The following SLC13A3 variants were observed in gnomAD, a reference collection of about 807,000 sequenced individuals.
The protein encoded by SLC13A3 is solute carrier family 13 member 3, also known as Na(+)/dicarboxylate cotransporter 3.
In SLC13A3, 40 loss-of-function variants were observed where a neutral mutation model predicts 59.0. The ratio of observed to expected loss-of-function variants is 0.68; its 90% CI spans 0.53 to 0.88. The LOEUF (loss-of-function observed/expected upper bound fraction) is 0.88, where lower values mean the gene tolerates loss of function less well. Ranked by LOEUF, SLC13A3 falls within the 40% of genes least tolerant of loss-of-function variation. SLC13A3 has a pLI of 0.00. For missense variants in SLC13A3, 699 were observed against 783.2 expected (o/e 0.89, Z 1.28); for synonymous variants, 317 against 330.3 (o/e 0.96, Z 0.44).
At chr20:46,613,321 A>AAATAAATG in intron 2 of SLC13A3, 139 bp downstream of exon 2, 1 of 502,166 alleles carries the variant, frequency 2.0e-6, no homozygotes. Context: ...ATAAATAAAT[A>AAATAAATG]AATAAATAAA....
At chr20:46,564,070 T>C (rs1346350868) in intron 11 of SLC13A3, among the ~76,000 whole-genome samples, 2 of 152,210 alleles carry the variant, frequency 1.3e-5, no homozygotes, top group Non-Finnish European at 2.9e-5. Context: ...GTGCTGCTGG[T>C]CTAAGGACTG....
At chr20:46,583,793 GCTGGGCCA>G in intron 8 of SLC13A3, 124 bp from the exon 9 acceptor site, 1 of 1,491,568 alleles carries the variant, frequency 6.7e-7, no homozygotes, top group Admixed American at 2.2e-5. Flanking sequence ...ATTGTTGGAG[GCTGGGCCA>G]CTGGATTCTG....
At chr20:46,637,184 C>T (rs1333595710) in intron 1 of SLC13A3, among the ~76,000 whole-genome samples, 3 of 152,108 alleles carry the variant, frequency 2.0e-5, no homozygotes, top group South Asian at 2.1e-4. Context: ...TGGGAGGGGG[C>T]GCAGTTGGGA....
At position 46,559,344 on chromosome 20, in the gene SLC13A3, G is replaced by A. The variant is rs1451216912; in HGVS notation, c.*678C>T. The A allele has an allele frequency of 6.6e-6, 1 of 152,282 alleles. No individual in the cohort carries two copies. The highest frequency in any genetic ancestry group is 2.4e-5 in the African/African-American group (1 of 41,456). 9.4% of individuals were successfully genotyped at this position (152,282 alleles called of 1,614,324 possible). A position where few individuals can be genotyped will look rare whatever the true frequency, so the allele number is the denominator to read the frequency against. ...AATCTCTTGGGTCGAGATGTCAGCTGCGGTTTCTAGAACTTCCCCTGGTAT... is the reference window on the plus strand; with the variant it reads ...AATCTCTTGGGTCGAGATGTCAGCTACGGTTTCTAGAACTTCCCCTGGTAT... On this transcript the variant is annotated 3_prime_UTR_variant, in exon 13 of 13. Transcript: ENST00000279027.
intron 1 of SLC13A3, among the ~76,000 whole-genome samples, chr20:46,629,732 T>C (rs1390991223): frequency 3.9e-5 from 6 of 152,208 alleles, no homozygotes; most frequent in Non-Finnish European, 7.3e-5. Flanking sequence ...AGTGCTGTTT[T>C]TTCACCCCCT....
At chr20:46,651,495 G>C (rs1011151305), upstream of SLC13A3, 1 of 1,351,488 alleles carries the variant, frequency 7.4e-7, no homozygotes, top group South Asian at 1.8e-5. Flanking sequence ...TAAAGCCTGG[G>C]GGAGGGTCGG....
intron 1 of SLC13A3, among the ~76,000 whole-genome samples, chr20:46,624,486 G>T (rs117488174): frequency 6.6e-6 from 1 of 152,328 alleles, no homozygotes; most frequent in Non-Finnish European, 1.5e-5. Flanking sequence ...AGAGATGAAA[G>T]TAGTGGACAG....
chr20:46,571,699 T>C (rs920643385), intron 10 of SLC13A3, among the ~76,000 whole-genome samples: 1 of 151,782 alleles, frequency 6.6e-6, no homozygotes, highest in Non-Finnish European at 1.5e-5. Context: ...ACAGGATCAT[T>C]TGGGGGGTAG....
chr20:46,585,885 G>A (rs1006862260), intron 8 of SLC13A3: 76 of 1,046,584 alleles, frequency 7.3e-5, no homozygotes, highest in Non-Finnish European at 9.3e-5. Context: ...CATTTTACCA[G>A]GGAAGAGGTT....
At position 46,596,342 on chromosome 20, in the gene SLC13A3, G is replaced by C. The variant is rs1311093995; in HGVS notation, c.609C>G (p.Ala203=). Residue 203 remains alanine (A), a splice_region_variant and synonymous_variant, in exon 5 of 13, where the codon GCC becomes GCG. Coordinates refer to ENST00000279027, the MANE Select transcript of SLC13A3 (RefSeq NM_022829.6). ...TEMQFLASTE[A]KDHPGETEVP... ...CCTCTGTCTCCCCAGGGTGGTCTTTGCTTTAAACAAATCCAAAGAGAAGCC... is the reference window on the plus strand; with the variant it reads ...CCTCTGTCTCCCCAGGGTGGTCTTTCCTTTAAACAAATCCAAAGAGAAGCC... 6.2e-7 allele frequency: 1 copy of C among 1,613,512 alleles called. No homozygotes were observed. The highest frequency in any genetic ancestry group is 8.5e-7 in the Non-Finnish European group (1 of 1,179,722).
chr20:46,608,789 G>A, intron 3 of SLC13A3: 3 of 1,378,848 alleles, frequency 2.2e-6, no homozygotes, highest in Admixed American at 2.8e-5. Flanking sequence ...TGGTTTCATG[G>A]ATAATGCTTG....
At chr20:46,656,899 G>A (rs2062997971) in intron 1 of SLC13A3, among the ~76,000 whole-genome samples, 1 of 151,852 alleles carries the variant, frequency 6.6e-6, no homozygotes, top group Admixed American at 6.6e-5. Context: ...ATTTGCTGTT[G>A]AACCCATCCG....
At chr20:46,611,813 A>G (rs1326055053) in intron 2 of SLC13A3, among the ~76,000 whole-genome samples, 1 of 152,144 alleles carries the variant, frequency 6.6e-6, no homozygotes, top group Admixed American at 6.5e-5. Context: ...GCAAATCTGA[A>G]GGAAATGAGA....
intron 9 of SLC13A3, among the ~76,000 whole-genome samples, chr20:46,577,900 C>T (rs1162406493): frequency 2.6e-5 from 4 of 152,222 alleles, no homozygotes; most frequent in South Asian, 2.1e-4. Flanking sequence ...GCACTTCCCT[C>T]GGAGACTTAC....
chr20:46,609,265 G>C (rs2062467706), intron 3 of SLC13A3, among the ~76,000 whole-genome samples: 1 of 152,198 alleles, frequency 6.6e-6, no homozygotes, highest in African/African-American at 2.4e-5. Flanking sequence ...TTGTGCCTCT[G>C]AATTGATCCT....
intron 2 of SLC13A3, among the ~76,000 whole-genome samples, 165 bp downstream of exon 2, chr20:46,613,295 G>GTTGA (rs1555879746): frequency 2.6e-5 from 1 of 39,084 alleles, no homozygotes; most frequent in South Asian, 9.2e-4. Context: ...TTGCTAAATA[G>GTTGA]TAGAGAAATA....
At chr20:46,610,317 A>C (rs914633158) in intron 3 of SLC13A3, 129 bp downstream of exon 3, 4 of 869,124 alleles carry the variant, frequency 4.6e-6, no homozygotes, top group Non-Finnish European at 3.6e-6. Flanking sequence ...GTCATAACTA[A>C]AACACCTGAC....
chr20:46,646,063 G>A (rs2062891365), intron 1 of SLC13A3, among the ~76,000 whole-genome samples: 1 of 152,164 alleles, frequency 6.6e-6, no homozygotes. Flanking sequence ...CCCTGTCTGA[G>A]CTCCCTGAGG....
chr20:46,629,975 CA>C (rs374298876), intron 1 of SLC13A3, among the ~76,000 whole-genome samples: 1 of 152,184 alleles, frequency 6.6e-6, no homozygotes, highest in African/African-American at 2.4e-5. Context: ...CTACTTATTA[CA>C]GAATTGCGGT....
Sources: allele counts gnomAD v4.1 joint callset (sites outside exome capture counted in the v4.1 genomes callset), GRCh38; gene constraint gnomAD v4.1.1; transcripts MANE v1.5; gene names NCBI Gene and HGNC (gene_info 2026-07-23, HGNC 2026-07-21).